Variants in SSU72 observed in about 807,000 individuals in gnomAD.
SSU72 encodes the protein SSU72 homolog, RNA polymerase II CTD phosphatase.
In SSU72, 12 loss-of-function variants were observed where a neutral mutation model predicts 22.7. That is an observed-to-expected ratio of 0.53 (90% CI 0.34 to 0.86). The LOEUF (loss-of-function observed/expected upper bound fraction) is 0.86, where lower values mean the gene tolerates loss of function less well. SSU72 is among the 40% of genes least tolerant of loss of function. The probability of loss-of-function intolerance (pLI) is 0.02; values close to 1 mark genes in which losing one functional copy is unlikely to be tolerated. For missense variants in SSU72, 151 were observed against 249.8 expected, an observed-to-expected ratio of 0.60 and a Z score of 2.67; for synonymous variants, 116 against 98.3, an observed-to-expected ratio of 1.18 and a Z score of -1.06.
chr1:1,567,101 A>G lies in SSU72; in HGVS notation c.81-2185T>C, dbSNP rs1642670936. Among the ~76,000 whole-genome samples, 3 of 152,330 alleles carry G rather than the reference A, an allele frequency of 2.0e-5. No individual in the cohort carries two copies. The South Asian group carries it at 6.2e-4, about 32-fold the overall frequency. On this transcript the variant is annotated intron_variant, in intron 1 of 4. Coordinates refer to ENST00000291386, the MANE Select transcript of SSU72 (RefSeq NM_014188.3). ...CCCACTGCCGGCCTTCCACAGCCAC[A>G]AAAGAACAGACAAGTAGAATAATCC...
chr1:1,567,178 G>A (rs1241119122), intron 1 of SSU72, among the ~76,000 whole-genome samples: 1 of 152,238 alleles, frequency 6.6e-6, no homozygotes, highest in Admixed American at 6.5e-5. Flanking sequence ...CCGAAGATGA[G>A]TAGAGGAAGC....
At chr1:1,544,552 A>G (rs566649503) in intron 3 of SSU72, 7 of 382,208 alleles carry the variant, frequency 1.8e-5, no homozygotes, top group South Asian at 1.6e-4. Flanking sequence ...CGGGAGGCAG[A>G]GGTTGCAGTG....
In SSU72 at chr1:1,557,430, A is replaced by T. The variant is rs565847001; in HGVS notation, c.224+7343T>A. Among the ~76,000 whole-genome samples the T allele has an allele frequency of 1.3e-4, 19 of 151,638 alleles. No individual in the cohort carries two copies. In the South Asian group the frequency reaches 2.5e-3, roughly 20 times the overall value. ...TCTGTCTCAAAAAAGTAAATAAATA[A>T]ATAAATAAATAAAGCTTCATATCAG... On this transcript the variant is annotated intron_variant, in intron 2 of 4. Transcript: ENST00000291386.
chr1:1,566,512 G>C (rs1642663077), intron 1 of SSU72, among the ~76,000 whole-genome samples: 1 of 152,148 alleles, frequency 6.6e-6, no homozygotes, highest in African/African-American at 2.4e-5. Context: ...TCGCTCTTGA[G>C]CAAGAATGAC....
At chr1:1,557,010 G>C (rs564102404) in intron 2 of SSU72, among the ~76,000 whole-genome samples, 22 of 152,344 alleles carry the variant, frequency 1.4e-4, no homozygotes, top group African/African-American at 5.1e-4. Flanking sequence ...TTACATTTTA[G>C]GCATGAATGA....
intron 2 of SSU72, among the ~76,000 whole-genome samples, chr1:1,558,371 A>G (rs1168033811): frequency 6.6e-6 from 1 of 152,070 alleles, no homozygotes; most frequent in African/African-American, 2.4e-5. Flanking sequence ...CTGTCTCAAA[A>G]CCAAATAATA....
rs764603336 is a variant in SSU72, at chr1:1,546,845, A to AAAC, written c.225-1846_225-1844dup. ...GCGACAGAGTAAAACTCCTTCTGGAAAACAACAACAACAACAAAAAAAAAA... is the reference window on the plus strand; with the variant it reads ...GCGACAGAGTAAAACTCCTTCTGGAAAACAACAACAACAACAACAAAAAAAAAA... On this transcript the variant is annotated intron_variant, in intron 2 of 4. Transcript: ENST00000291386. Among the ~76,000 whole-genome samples the AAAC allele has an allele frequency of 5.4e-3, 570 of 106,480 alleles. 56 individuals are homozygous for AAAC. Among genetic ancestry groups the AAAC allele is most frequent in the Middle Eastern group, 0.026 (6 of 228 alleles). The allele number at this position is 106,480 out of a possible 152,430, so 69.9% of individuals were successfully genotyped here.
At chr1:1,548,565 A>AC in intron 2 of SSU72, among the ~76,000 whole-genome samples, 1 of 151,328 alleles carries the variant, frequency 6.6e-6, no homozygotes, top group East Asian at 2.0e-4. Context: ...AAAAAAAAAA[A>AC]AAAAAAAAAA....
chr1:1,543,816 C>A, intron 4 of SSU72, 53 bp downstream of exon 4: 2 of 1,462,424 alleles, frequency 1.4e-6, no homozygotes, highest in South Asian at 1.1e-5. Context: ...CGGCCTCGGT[C>A]ACTCCCCTCT....
At chr1:1,570,588 G>A (rs951798114) in intron 1 of SSU72, among the ~76,000 whole-genome samples, 5 of 151,930 alleles carry the variant, frequency 3.3e-5, no homozygotes, top group Non-Finnish European at 7.4e-5. Flanking sequence ...CCCCAAAATC[G>A]GACTGCCAAA....
chr1:1,544,867 C>T lies in SSU72; in HGVS notation c.360G>A (p.Val120=), dbSNP rs1389832699. Residue 120 remains valine (V), a synonymous_variant, in exon 3 of 5, where the codon GTG becomes GTA. Coordinates refer to ENST00000291386, the MANE Select transcript of SSU72 (RefSeq NM_014188.3). ...AGCACGCAGCCGCCTCCTCACCTTCCACCACCTGGTCATACACTCTCTCTT... is the reference window on the plus strand; with the variant it reads ...AGCACGCAGCCGCCTCCTCACCTTCTACCACCTGGTCATACACTCTCTCTT... The part of the protein sequence containing the change: ...TCEERVYDQV[V]EDLNSREQET... 6.8e-6 allele frequency: 11 copies of T among 1,614,080 alleles called. No individual in the cohort carries two copies. Among genetic ancestry groups the T allele is most frequent in the Admixed American group, 1.7e-5 (1 of 60,012 alleles).
At chr1:1,555,951 T>C (rs1642515347) in intron 2 of SSU72, among the ~76,000 whole-genome samples, 1 of 152,012 alleles carries the variant, frequency 6.6e-6, no homozygotes, top group African/African-American at 2.4e-5. Context: ...GCTATGATGT[T>C]ACCACTGAAC....
intron 2 of SSU72, chr1:1,560,799 TA>T (rs1250812603): frequency 6.6e-6 from 1 of 152,214 alleles, no homozygotes; most frequent in Non-Finnish European, 1.5e-5. Context: ...CAAACCTGGA[TA>T]ACACAGCAAG....
rs1642789500 is a variant in SSU72, at chr1:1,574,663, G to A, written c.-106C>T. On this transcript the variant is annotated 5_prime_UTR_variant, in exon 1 of 5. Coordinates refer to ENST00000291386, the MANE Select transcript of SSU72 (RefSeq NM_014188.3). ...CGCGGTGGCCGGAAGCGGGCGACGC[G>A]AAACGACGGCGCCGGCGGTGTAGCG... 4 of 1,158,726 alleles carry A rather than the reference G, an allele frequency of 3.5e-6. No homozygotes were observed. Among genetic ancestry groups the A allele is most frequent in the East Asian group, 3.3e-5 (1 of 30,722 alleles). The allele number at this position is 1,158,726 out of a possible 1,614,324, so 71.8% of individuals were successfully genotyped here.
rs1020738296 is a variant in SSU72 at position 1,552,369 on chromosome 1, C to T, written c.225-7367G>A. ...CCTGTGCGGCCTCCTCCTTAGGGACCGGGAGGTGCTGGCAGTGAGGTCAAA... is the reference window on the plus strand; with the variant it reads ...CCTGTGCGGCCTCCTCCTTAGGGACTGGGAGGTGCTGGCAGTGAGGTCAAA... On this transcript the variant is annotated intron_variant, in intron 2 of 4. Transcript: ENST00000291386. 5.3e-5 allele frequency among the ~76,000 whole-genome samples: 8 copies of T among 152,226 alleles called. 1 individual carries two copies. The highest frequency in any genetic ancestry group is 1.3e-4 in the Admixed American group (2 of 15,288).
rs1642331233 is a variant in SSU72, at chr1:1,542,272, A to G, written c.484-105T>C. The G allele has an allele frequency of 9.0e-7, 1 of 1,115,866 alleles. No homozygotes were observed. The highest frequency in any genetic ancestry group is 1.4e-5 in the South Asian group (1 of 71,306). 69.1% of individuals were successfully genotyped at this position (1,115,866 alleles called of 1,614,324 possible). Reference sequence around the variant, plus strand: ...CGCCAGGCCTGAGCCAGCAGAAACCAGCGCAGCAGGCAGGCCCTCACCCCA... The same window carrying G: ...CGCCAGGCCTGAGCCAGCAGAAACCGGCGCAGCAGGCAGGCCCTCACCCCA... On this transcript the variant is annotated intron_variant, in intron 4 of 4. Coordinates refer to ENST00000291386, the MANE Select transcript of SSU72 (RefSeq NM_014188.3). The surrounding 1 kb of genome is among the most constrained non-coding windows in gnomAD (Gnocchi z 4.4).
intron 3 of SSU72, 74 bp downstream of exon 3, chr1:1,544,789 G>T (rs1411884566): frequency 6.2e-6 from 10 of 1,604,660 alleles, no homozygotes; most frequent in Non-Finnish European, 8.5e-6. Context: ...ACTGGTCATG[G>T]TGGGGCCCTG....
chr1:1,543,224 G>T (rs1642346473), intron 4 of SSU72, among the ~76,000 whole-genome samples: 1 of 152,194 alleles, frequency 6.6e-6, no homozygotes, highest in South Asian at 2.1e-4. Flanking sequence ...AGGCAGGTGT[G>T]CAGAAGGCCA....
At position 1,547,970 on chromosome 1, in the gene SSU72, G is replaced by A. The variant is rs78752089; in HGVS notation, c.225-2968C>T. The stretch of plus-strand genomic sequence containing the variant: ...AAGAAAGAAACCAAAGACTCAGCCC[G>A]GGCAAGAAGGCGACACCAGGCGGAG... On this transcript the variant is annotated intron_variant, in intron 2 of 4. Transcript: ENST00000291386. Among the ~76,000 whole-genome samples, 257 of 152,344 alleles carry A rather than the reference G, an allele frequency of 1.7e-3. 1 individual carries two copies. Among genetic ancestry groups the A allele is most frequent in the African/African-American group, 5.8e-3 (240 of 41,576 alleles).
Sources: gnomAD v4.1 joint callset for allele counts (sites outside exome capture counted in the v4.1 genomes callset) on GRCh38, gnomAD v4.1.1 for gene constraint, Gnocchi (gnomAD v3.1) non-coding constraint, MANE v1.5 for transcripts, NCBI Gene and HGNC (gene_info 2026-07-23, HGNC 2026-07-21) for gene names.